The following CAMTA1 variants were observed in gnomAD, a reference collection of about 807,000 sequenced individuals.
CAMTA1 encodes calmodulin-binding transcription activator 1.
A neutral mutation model predicts 170.9 loss-of-function variants in CAMTA1; 27 were observed. That is an observed-to-expected ratio of 0.16 (90% CI 0.12 to 0.22). CAMTA1 has a LOEUF of 0.22. Among genes scored for constraint, CAMTA1 ranks in the 10% least tolerant of loss-of-function variants. The probability of loss-of-function intolerance (pLI) is 1.00; values close to 1 mark genes in which losing one functional copy is unlikely to be tolerated. For synonymous variants in CAMTA1, 833 were observed against 891.5 expected (o/e 0.93, Z 1.17); for missense variants, 1,619 against 2,217.2 (o/e 0.73, Z 5.42).
intron 3 of CAMTA1, among the ~76,000 whole-genome samples, chr1:7,052,994 C>T (rs1371216754): frequency 6.6e-6 from 1 of 152,216 alleles, no homozygotes; most frequent in Non-Finnish European, 1.5e-5. Context: ...ACTGACACTG[C>T]CCTGGCTTCC....
chr1:7,092,570 A>G lies in CAMTA1; in HGVS notation c.302+1199A>G, dbSNP rs1051721529. Among the ~76,000 whole-genome samples, 2 of 152,122 alleles carry G rather than the reference A, an allele frequency of 1.3e-5. No individual in the cohort carries two copies. The highest frequency in any genetic ancestry group is 1.3e-4 in the Admixed American group (2 of 15,270). ...ACCTCTGGCCTGAGAATGGGAGGAG[A>G]GTCTGTCCGCAGGAGTCCCCAAAAC... On this transcript the variant is annotated intron_variant, in intron 4 of 22. Coordinates refer to ENST00000303635, the MANE Select transcript of CAMTA1 (RefSeq NM_015215.4). This position sits in a 1 kb window ranked among gnomAD's most constrained non-coding sequence, Gnocchi z 5.0.
At chr1:6,961,738 C>G (rs975239577) in intron 3 of CAMTA1, among the ~76,000 whole-genome samples, 2 of 152,208 alleles carry the variant, frequency 1.3e-5, no homozygotes, top group Non-Finnish European at 2.9e-5. Context: ...CTCCAAAGGA[C>G]ATGAATACCG....
chr1:7,509,667 C>T (rs985244928), intron 6 of CAMTA1, among the ~76,000 whole-genome samples: 4 of 152,062 alleles, frequency 2.6e-5, no homozygotes, highest in Non-Finnish European at 5.9e-5. Context: ...ATAACTTGGC[C>T]GTAAAAACGT....
At chr1:7,187,808 T>C (rs1653698086) in intron 4 of CAMTA1, among the ~76,000 whole-genome samples, 1 of 152,216 alleles carries the variant, frequency 6.6e-6, no homozygotes, top group Non-Finnish European at 1.5e-5. Context: ...CCAGGGTCTG[T>C]ATTTGCATGC....
chr1:7,034,918 AGTT>A (rs1415861526), intron 3 of CAMTA1, among the ~76,000 whole-genome samples: 1 of 152,186 alleles, frequency 6.6e-6, no homozygotes, highest in Non-Finnish European at 1.5e-5. Context: ...AAAAAAAATC[AGTT>A]GTTTTTTTTA....
intron 5 of CAMTA1, among the ~76,000 whole-genome samples, chr1:7,356,984 C>G (rs2085165267): frequency 6.6e-6 from 1 of 152,334 alleles, no homozygotes; most frequent in East Asian, 1.9e-4. Context: ...CCCTTCCCCC[C>G]TTCCCTCCCA....
rs776905795 is a variant in CAMTA1, at chr1:7,216,188, A to G, written c.303-33303A>G. Among the ~76,000 whole-genome samples the G allele has an allele frequency of 1.6e-4, 24 of 152,184 alleles. No individual in the cohort carries two copies. Among genetic ancestry groups the G allele is most frequent in the Non-Finnish European group, 2.9e-4 (20 of 68,012 alleles). ...GGGAGGTCCTGCACTCTTCCAAACA[A>G]CCAGATCTCCTGAGAACTCACTCAC... On this transcript the variant is annotated intron_variant, in intron 4 of 22. Coordinates refer to ENST00000303635, the MANE Select transcript of CAMTA1 (RefSeq NM_015215.4). This position sits in a 1 kb window ranked among gnomAD's most constrained non-coding sequence, Gnocchi z 4.0.
intron 4 of CAMTA1, among the ~76,000 whole-genome samples, chr1:7,229,035 A>T (rs1662210384): frequency 6.6e-6 from 1 of 152,096 alleles, no homozygotes; most frequent in Non-Finnish European, 1.5e-5. Context: ...GTGCGTCAGG[A>T]CAGGCATCTC....
In CAMTA1 at chr1:7,769,297, A is replaced by G. The variant is rs1288192645; in HGVS notation, c.*2806A>G. ...ATAATCTGAATTCCCAAGTGCCAGG[A>G]GTAGGATTTCATTATAAAATTAATA... is the stretch of plus-strand genomic sequence containing the variant. On this transcript the variant is annotated 3_prime_UTR_variant, in exon 23 of 23. Coordinates refer to ENST00000303635, the MANE Select transcript of CAMTA1 (RefSeq NM_015215.4). The G allele has an allele frequency of 6.5e-6, 1 of 152,808 alleles. No homozygotes were observed. The highest frequency in any genetic ancestry group is 2.4e-5 in the African/African-American group (1 of 41,460). The allele number at this position is 152,808 out of a possible 1,614,324, so 9.5% of individuals were successfully genotyped here.
intron 3 of CAMTA1, among the ~76,000 whole-genome samples, chr1:6,986,202 C>T (rs1028367073): frequency 2.6e-5 from 4 of 152,182 alleles, no homozygotes; most frequent in African/African-American, 9.6e-5. Flanking sequence ...TGTCTCTCAC[C>T]AGGAGAAGCA....
At chr1:7,204,783 A>ATTG (rs1445809898) in intron 4 of CAMTA1, among the ~76,000 whole-genome samples, 1 of 116,242 alleles carries the variant, frequency 8.6e-6, no homozygotes, top group East Asian at 2.5e-4. Flanking sequence ...TATTATTATT[A>ATTG]TTGTTATTAT....
At chr1:6,882,510 G>A (rs985531337) in intron 3 of CAMTA1, among the ~76,000 whole-genome samples, 1 of 152,162 alleles carries the variant, frequency 6.6e-6, no homozygotes, top group African/African-American at 2.4e-5. Context: ...TGATGACTGT[G>A]TTTTTGCACT....
intron 3 of CAMTA1, among the ~76,000 whole-genome samples, chr1:6,947,943 C>T (rs373998850): frequency 1.3e-5 from 2 of 152,248 alleles, no homozygotes; most frequent in South Asian, 2.1e-4. Flanking sequence ...GGATTTTCTA[C>T]ATACAAGATC....
chr1:6,834,928 C>T (rs1029899281), intron 3 of CAMTA1, among the ~76,000 whole-genome samples: 4 of 152,130 alleles, frequency 2.6e-5, no homozygotes, highest in East Asian at 1.9e-4. Flanking sequence ...TGGGAGCTCC[C>T]GCCCACACTC....
At chr1:7,062,939 A>G (rs1359132878) in intron 3 of CAMTA1, among the ~76,000 whole-genome samples, 2 of 152,150 alleles carry the variant, frequency 1.3e-5, no homozygotes, top group African/African-American at 4.8e-5. Context: ...CGTCAATCAC[A>G]TTGGATTGGG....
intron 6 of CAMTA1, among the ~76,000 whole-genome samples, chr1:7,605,027 T>C (rs1225671766): frequency 2.6e-5 from 4 of 152,126 alleles, no homozygotes; most frequent in African/African-American, 7.2e-5. Flanking sequence ...TGCTGCCTGA[T>C]CATTCCTCTG....
intron 3 of CAMTA1, among the ~76,000 whole-genome samples, chr1:6,849,028 A>C (rs2148784372): frequency 6.6e-6 from 1 of 152,308 alleles, no homozygotes; most frequent in East Asian, 1.9e-4. Context: ...ATGACAATTG[A>C]GTTCTTTGAG....
Position 7,231,107 on chromosome 1 carries a change from C to T in CAMTA1, c.303-18384C>T, listed in dbSNP as rs190887885. Among the ~76,000 whole-genome samples the T allele has an allele frequency of 4.2e-3, 637 of 152,248 alleles. 1 individual carries two copies. Among genetic ancestry groups the T allele is most frequent in the African/African-American group, 0.015 (612 of 41,558 alleles). ...GAGTCTGATCGTGGGATGAGAGCCC[C>T]GGTGGCTACCTCCCTAAGTAGGATA... On this transcript the variant is annotated intron_variant, in intron 4 of 22. Transcript: ENST00000303635.
At chr1:7,252,299 T>A (rs993057321) in intron 5 of CAMTA1, among the ~76,000 whole-genome samples, 4 of 152,200 alleles carry the variant, frequency 2.6e-5, no homozygotes, top group African/African-American at 9.7e-5. Flanking sequence ...TTATTTGAAT[T>A]TGAGTTTGTC....
Sources: allele counts gnomAD v4.1 joint callset (sites outside exome capture counted in the v4.1 genomes callset), GRCh38; gene constraint gnomAD v4.1.1; non-coding constraint Gnocchi (gnomAD v3.1); transcripts MANE v1.5; gene names NCBI Gene and HGNC (gene_info 2026-07-23, HGNC 2026-07-21).